IGF2BP2: variants seen among roughly 807,000 people sequenced by gnomAD.
IGF2BP2 encodes insulin-like growth factor 2 mRNA-binding protein 2.
IGF2BP2 carries 17 observed loss-of-function variants against 75.8 expected under a neutral mutation model. The observed-to-expected ratio is 0.22, with a 90% CI of 0.15 to 0.34. IGF2BP2 has a LOEUF of 0.34. Ranked by LOEUF, IGF2BP2 falls within the 10% of genes least tolerant of loss-of-function variation. The pLI, the probability that IGF2BP2 is intolerant of heterozygous loss-of-function variation, is 1.00. For missense variants in IGF2BP2, 516 were observed against 772.4 expected, an observed-to-expected ratio of 0.67 and a Z score of 3.93; for synonymous variants, 288 against 295.6, an observed-to-expected ratio of 0.97 and a Z score of 0.26.
At chr3:185,689,183 A>G in intron 6 of IGF2BP2, 172 bp downstream of exon 6, 1 of 658,100 alleles carries the variant, frequency 1.5e-6, no homozygotes, top group Non-Finnish European at 2.5e-6. Flanking sequence ...AGCTTGTCAC[A>G]GCCCCCAGCT....
chr3:185,777,971 G>T (rs1188041129), intron 2 of IGF2BP2, among the ~76,000 whole-genome samples: 1 of 151,938 alleles, frequency 6.6e-6, no homozygotes, highest in Non-Finnish European at 1.5e-5. Context: ...TTGAACCCAG[G>T]AGGTGGAGGT....
chr3:185,665,548 A>AAGGAGGAGGAGGAGG, intron 10 of IGF2BP2, among the ~76,000 whole-genome samples: 1 of 106,228 alleles, frequency 9.4e-6, no homozygotes, highest in African/African-American at 3.5e-5. Flanking sequence ...GGAGGAGGAG[A>AAGGAGGAGGAGGAGG]AGGAGGAGGA....
At chr3:185,746,669 G>A (rs1730289438) in intron 2 of IGF2BP2, among the ~76,000 whole-genome samples, 1 of 152,132 alleles carries the variant, frequency 6.6e-6, no homozygotes, top group Non-Finnish European at 1.5e-5. Context: ...GAGCAAAAGT[G>A]GGGACAAAGC....
intron 2 of IGF2BP2, among the ~76,000 whole-genome samples, chr3:185,746,112 G>A (rs1278887448): frequency 6.6e-6 from 1 of 152,092 alleles, no homozygotes; most frequent in Non-Finnish European, 1.5e-5. Flanking sequence ...CTACTGAAAA[G>A]AAACAAAAAT....
chr3:185,801,190 ATTAAAAAG>A (rs1407533367), intron 2 of IGF2BP2, among the ~76,000 whole-genome samples: 1 of 152,230 alleles, frequency 6.6e-6, no homozygotes, highest in African/African-American at 2.4e-5. Flanking sequence ...AATAGCGATT[ATTAAAAAG>A]TCAGGAAACA....
chr3:185,820,204 A>G (rs998705129), intron 2 of IGF2BP2, among the ~76,000 whole-genome samples: 11 of 137,060 alleles, frequency 8.0e-5, no homozygotes, highest in African/African-American at 3.0e-4. Context: ...GGCATGCAGT[A>G]TGTGTGTGTG....
At chr3:185,761,801 AC>A (rs1359291490) in intron 2 of IGF2BP2, among the ~76,000 whole-genome samples, 1 of 152,216 alleles carries the variant, frequency 6.6e-6, no homozygotes, top group Non-Finnish European at 1.5e-5. Context: ...GGATTTAAAC[AC>A]CACTGCATAA....
At chr3:185,783,003 AAC>A (rs1350047384) in intron 2 of IGF2BP2, among the ~76,000 whole-genome samples, 2 of 152,242 alleles carry the variant, frequency 1.3e-5, no homozygotes, top group Non-Finnish European at 2.9e-5. Context: ...TCAAGTTACT[AAC>A]ACAATTAATA....
Position 185,684,649 on chromosome 3 carries a change from C to T in IGF2BP2, c.812+2408G>A, listed in dbSNP as rs564889254. Among the ~76,000 whole-genome samples the T allele has an allele frequency of 1.2e-4, 19 of 152,240 alleles. No individual in the cohort carries two copies. The South Asian group carries it at 1.7e-3, about 13-fold the overall frequency. ...CTCGAACTCCTGGCCTCAAGTGATC[C>T]GCCCGCTTCAGCCTCCCAAAGTGCT... On this transcript the variant is annotated intron_variant, in intron 7 of 15. Coordinates refer to ENST00000382199, the MANE Select transcript of IGF2BP2 (RefSeq NM_006548.6).
intron 9 of IGF2BP2, 106 bp from the exon 10 acceptor site, chr3:185,672,775 C>T: frequency 8.1e-7 from 1 of 1,242,170 alleles, no homozygotes; most frequent in Non-Finnish European, 1.1e-6. Context: ...GTCTCCTAAT[C>T]AGCTCTGCCC....
intron 2 of IGF2BP2, among the ~76,000 whole-genome samples, chr3:185,715,525 A>T (rs1725463506): frequency 1.3e-5 from 2 of 152,238 alleles, no homozygotes. Context: ...ATCCTCAGAA[A>T]AGAGAACTCT....
chr3:185,753,838 A>G (rs1196096043), intron 2 of IGF2BP2, among the ~76,000 whole-genome samples: 2 of 152,026 alleles, frequency 1.3e-5, no homozygotes, highest in Non-Finnish European at 2.9e-5. Context: ...ATCCCTCACA[A>G]ATTGCTTGGC....
intron 7 of IGF2BP2, among the ~76,000 whole-genome samples, chr3:185,676,415 C>T (rs566561509): frequency 2.0e-5 from 3 of 152,266 alleles, no homozygotes; most frequent in African/African-American, 7.2e-5. Flanking sequence ...CCGTGGTTCA[C>T]GCCTGTAATT....
chr3:185,779,794 C>A (rs1168951637), intron 2 of IGF2BP2, among the ~76,000 whole-genome samples: 1 of 152,112 alleles, frequency 6.6e-6, no homozygotes, highest in Admixed American at 6.6e-5. Context: ...GGGCAAGAAA[C>A]CAAAGTATAA....
chr3:185,680,732 C>T (rs1056821116), intron 7 of IGF2BP2, among the ~76,000 whole-genome samples: 1 of 152,046 alleles, frequency 6.6e-6, no homozygotes, highest in Non-Finnish European at 1.5e-5. Context: ...TTGCTTGAGG[C>T]CAGGGGTTCA....
intron 2 of IGF2BP2, among the ~76,000 whole-genome samples, chr3:185,763,610 T>C (rs1732664996): frequency 6.6e-6 from 1 of 152,208 alleles, no homozygotes; most frequent in African/African-American, 2.4e-5. Flanking sequence ...GCCATTCTTG[T>C]AGCTGTCAAG....
At chr3:185,749,314 G>A (rs1419416402) in intron 2 of IGF2BP2, among the ~76,000 whole-genome samples, 2 of 152,204 alleles carry the variant, frequency 1.3e-5, no homozygotes, top group Admixed American at 6.5e-5. Flanking sequence ...TGGCCTTAAA[G>A]ATAAATGTCT....
rs144487031 is a variant in IGF2BP2, at chr3:185,687,203, G to C, written c.678-12C>G. On this transcript the variant is annotated splice_polypyrimidine_tract_variant and intron_variant, in intron 6 of 15. Coordinates refer to ENST00000382199, the MANE Select transcript of IGF2BP2 (RefSeq NM_006548.6). ...TATGGATATCTACCCTGTAGGAAAA[G>C]AATCAGGAGCCATGATTACAAGGTC... is the stretch of plus-strand genomic sequence containing the variant. 6.1e-5 allele frequency: 98 copies of C among 1,594,732 alleles called. 1 individual carries two copies. In the Middle Eastern group the frequency reaches 8.4e-4, roughly 14 times the overall value.
At chr3:185,664,020 C>T (rs1456588707) in intron 10 of IGF2BP2, among the ~76,000 whole-genome samples, 2 of 152,170 alleles carry the variant, frequency 1.3e-5, no homozygotes, top group Non-Finnish European at 2.9e-5. Flanking sequence ...GGGACATGGG[C>T]CTTAGGAAGG....
Sources: gnomAD v4.1 joint callset for allele counts (sites outside exome capture counted in the v4.1 genomes callset) on GRCh38, gnomAD v4.1.1 for gene constraint, MANE v1.5 for transcripts, NCBI Gene and HGNC (gene_info 2026-07-23, HGNC 2026-07-21) for gene names.